The following EPHA5 variants were observed in gnomAD, a reference collection of about 807,000 sequenced individuals.
EPHA5 encodes EPH receptor A5.
Under a neutral mutation model 105.0 loss-of-function variants are expected in EPHA5, and 60 were observed. That is an observed-to-expected ratio of 0.57 (90% CI 0.46 to 0.71). EPHA5 has a LOEUF of 0.71. EPHA5 is among the 30% of genes least tolerant of loss of function. EPHA5 has a pLI of 0.00. For missense variants in EPHA5, 1,218 were observed against 1,274.7 expected (o/e 0.96, Z 0.68); for synonymous variants, 513 against 449.1 (o/e 1.14, Z -1.80).
intron 1 of EPHA5, among the ~76,000 whole-genome samples, chr4:65,664,499 C>T (rs1345233740): frequency 6.6e-6 from 1 of 151,814 alleles, no homozygotes; most frequent in African/African-American, 2.4e-5. Context: ...TTTATGTACA[C>T]CCATAGGAAT....
At chr4:65,581,240 C>T (rs922609807) in intron 3 of EPHA5, among the ~76,000 whole-genome samples, 2 of 151,782 alleles carry the variant, frequency 1.3e-5, no homozygotes, top group African/African-American at 4.8e-5. Context: ...GAGTTTTAAG[C>T]ATCTCTTTCA....
chr4:65,383,712 C>T (rs1285974427), intron 8 of EPHA5, among the ~76,000 whole-genome samples: 1 of 151,754 alleles, frequency 6.6e-6, no homozygotes, highest in African/African-American at 2.4e-5. Flanking sequence ...TATCTTCCTA[C>T]CAACTTATTA....
At chr4:65,449,733 A>T (rs1045017193) in intron 5 of EPHA5, among the ~76,000 whole-genome samples, 1 of 152,102 alleles carries the variant, frequency 6.6e-6, no homozygotes, top group Non-Finnish European at 1.5e-5. Flanking sequence ...GGTGAGCCCT[A>T]CTCTGATATG....
At position 65,508,112 on chromosome 4, in the gene EPHA5, A is replaced by C. The variant is rs80113964; in HGVS notation, c.911-12569T>G. On this transcript the variant is annotated intron_variant, in intron 3 of 16. Coordinates refer to ENST00000613740, the MANE Select transcript of EPHA5 (RefSeq NM_001281766.3). ...CCTTAGTACATGGGCTTTTGTGAGC[A>C]ATATTTGTGTTAACATGAATGTTTA... Among the ~76,000 whole-genome samples, 312 of 152,222 alleles carry C rather than the reference A, an allele frequency of 2.0e-3. 1 individual carries two copies. The highest frequency in any genetic ancestry group is 6.9e-3 in the African/African-American group (288 of 41,564).
intron 14 of EPHA5, among the ~76,000 whole-genome samples, chr4:65,342,694 C>T (rs1002083770): frequency 1.3e-5 from 2 of 150,458 alleles, no homozygotes; most frequent in African/African-American, 4.9e-5. Flanking sequence ...TATACATAAA[C>T]ATATAAGCAA....
At chr4:65,574,084 T>C in intron 3 of EPHA5, 2 of 1,606,720 alleles carry the variant, frequency 1.2e-6, no homozygotes, top group Non-Finnish European at 8.5e-7. Context: ...AATGTAAAAA[T>C]CCCAAAACAT....
intron 8 of EPHA5, among the ~76,000 whole-genome samples, chr4:65,396,080 G>C (rs1477815059): frequency 1.3e-5 from 2 of 152,196 alleles, no homozygotes; most frequent in Non-Finnish European, 2.9e-5. Context: ...AACCCCAAAA[G>C]ACTCCCTGCC....
intron 1 of EPHA5, among the ~76,000 whole-genome samples, chr4:65,650,486 G>A (rs535323169): frequency 1.3e-5 from 2 of 149,706 alleles, no homozygotes; most frequent in South Asian, 4.2e-4. Context: ...CGTGAACTTA[G>A]GAGGCGGAGC....
chr4:65,377,440 G>T (rs1719123769), intron 8 of EPHA5, among the ~76,000 whole-genome samples: 1 of 151,814 alleles, frequency 6.6e-6, no homozygotes, highest in African/African-American at 2.4e-5. Context: ...ATCCTAAATA[G>T]CCCTTTAAAT....
chr4:65,537,942 C>G (rs966027502), intron 3 of EPHA5, among the ~76,000 whole-genome samples: 9 of 151,658 alleles, frequency 5.9e-5, no homozygotes, highest in African/African-American at 1.9e-4. Flanking sequence ...ATAATCATAA[C>G]TATGAACACA....
chr4:65,513,417 C>G (rs962452621), intron 3 of EPHA5, among the ~76,000 whole-genome samples: 2 of 152,042 alleles, frequency 1.3e-5, no homozygotes, highest in Non-Finnish European at 2.9e-5. Context: ...GTTGGAGTCT[C>G]GCTCTGTCGC....
intron 7 of EPHA5, among the ~76,000 whole-genome samples, chr4:65,412,019 G>A (rs890699692): frequency 1.3e-4 from 20 of 152,096 alleles, no homozygotes; most frequent in African/African-American, 4.1e-4. Context: ...ACCTAGGGTC[G>A]GGAGTTTGAG....
At chr4:65,443,050 G>T (rs1018010558) in intron 5 of EPHA5, among the ~76,000 whole-genome samples, 1 of 152,034 alleles carries the variant, frequency 6.6e-6, no homozygotes. Flanking sequence ...TTCAAAGAAC[G>T]ATGCTAGAAA....
At chr4:65,509,490 C>T (rs1733389015) in intron 3 of EPHA5, among the ~76,000 whole-genome samples, 1 of 152,024 alleles carries the variant, frequency 6.6e-6, no homozygotes, top group African/African-American at 2.4e-5. Flanking sequence ...GCCAGGAAAA[C>T]AATAACTCTA....
rs906717510 is a variant in EPHA5 at position 65,321,417 on chromosome 4, T to A, written c.*2697A>T. The A allele has an allele frequency of 1.3e-5, 3 of 229,948 alleles. No individual in the cohort carries two copies. Among genetic ancestry groups the A allele is most frequent in the Non-Finnish European group, 2.6e-5 (3 of 116,022 alleles). 14.2% of individuals were successfully genotyped at this position (229,948 alleles called of 1,614,324 possible). ...TTGTTCCATTTCTCACACTTGCAGA[T>A]GAGATTGGCATTTTCCAATTGGTGA... On this transcript the variant is annotated 3_prime_UTR_variant, in exon 17 of 17. Transcript: ENST00000613740.
intron 7 of EPHA5, among the ~76,000 whole-genome samples, chr4:65,410,394 G>T (rs866050323): frequency 8.5e-5 from 13 of 152,098 alleles, no homozygotes; most frequent in African/African-American, 3.1e-4. Flanking sequence ...CAGATGAATG[G>T]TTTCCAGGGC....
intron 2 of EPHA5, among the ~76,000 whole-genome samples, chr4:65,632,119 CAG>C (rs1222986110): frequency 2.0e-5 from 3 of 151,892 alleles, no homozygotes; most frequent in Non-Finnish European, 4.4e-5. Context: ...GATGAAGAAA[CAG>C]AAAGATTAAC....
At chr4:65,573,666 A>G in intron 3 of EPHA5, 2 of 1,601,260 alleles carry the variant, frequency 1.2e-6, no homozygotes, top group Non-Finnish European at 1.7e-6. Context: ...GGCCATGTAC[A>G]AGAGGAAGTA....
intron 2 of EPHA5, among the ~76,000 whole-genome samples, chr4:65,604,789 G>C (rs533781765): frequency 5.3e-5 from 8 of 151,648 alleles, no homozygotes; most frequent in African/African-American, 1.7e-4. Context: ...TTTAGAATGT[G>C]GCAGACGTAT....
Sources: allele counts gnomAD v4.1 joint callset (sites outside exome capture counted in the v4.1 genomes callset), GRCh38; gene constraint gnomAD v4.1.1; transcripts MANE v1.5; gene names NCBI Gene and HGNC (gene_info 2026-07-23, HGNC 2026-07-21).